ADARB2: variants seen among roughly 807,000 people sequenced by gnomAD.
ADARB2 encodes inactive double-stranded RNA-specific editase B2.
A neutral mutation model predicts 62.2 loss-of-function variants in ADARB2; 25 were observed. That is an observed-to-expected ratio of 0.40 (90% CI 0.29 to 0.56). The LOEUF is 0.56. Ranked by LOEUF, ADARB2 falls within the 20% of genes least tolerant of loss-of-function variation. ADARB2 has a pLI of 0.43. For missense variants in ADARB2, 1,071 were observed against 1,077.4 expected, an observed-to-expected ratio of 0.99 and a Z score of 0.08; for synonymous variants, 572 against 500.8, an observed-to-expected ratio of 1.14 and a Z score of -1.90.
At chr10:1,666,706 G>A (rs1588344916) in intron 1 of ADARB2, among the ~76,000 whole-genome samples, 1 of 152,114 alleles carries the variant, frequency 6.6e-6, no homozygotes, top group African/African-American at 2.4e-5. Context: ...GAGGGCATCT[G>A]GGCACTGGAA....
chr10:1,512,400 C>T (rs532123857), intron 1 of ADARB2, among the ~76,000 whole-genome samples: 3 of 152,146 alleles, frequency 2.0e-5, no homozygotes, highest in African/African-American at 7.2e-5. Context: ...ACACTGGATA[C>T]CAATACATCA....
rs1836667441 is a variant in ADARB2 at position 1,181,006 on chromosome 10, C to G, written c.*2187G>C. The G allele has an allele frequency of 6.6e-6, 1 of 152,254 alleles. No homozygotes were observed. Among genetic ancestry groups the G allele is most frequent in the Non-Finnish European group, 1.5e-5 (1 of 68,056 alleles). The allele number at this position is 152,254 out of a possible 1,614,324, so 9.4% of individuals were successfully genotyped here. A position where few individuals can be genotyped will look rare whatever the true frequency, so the allele number is the denominator to read the frequency against. ...TGGCCACTGGGTGGCCGAGCGCTTT[C>G]CGAGTCCCGTGAATCAGACCCTGCG... On this transcript the variant is annotated 3_prime_UTR_variant, in exon 10 of 10. Transcript: ENST00000381312.
At position 1,582,561 on chromosome 10, in the gene ADARB2, G is replaced by A. The variant is rs938696; in HGVS notation, c.100+154490C>T. On this transcript the variant is annotated intron_variant, in intron 1 of 9. Coordinates refer to ENST00000381312, the MANE Select transcript of ADARB2 (RefSeq NM_018702.4). ...TGAATGACAGTCATAGCTACAGAAC[G>A]ATGACCACTTCCATTGCAATTGCCA... Among the ~76,000 whole-genome samples, 778 of 152,186 alleles carry A rather than the reference G, an allele frequency of 5.1e-3. 6 individuals are homozygous for A. The highest frequency in any genetic ancestry group is 0.018 in the African/African-American group (744 of 41,526).
chr10:1,492,485 G>A (rs61831890), intron 1 of ADARB2, among the ~76,000 whole-genome samples: 23,915 of 152,042 alleles, frequency 0.16, 2,260 homozygotes, highest in Middle Eastern at 0.23. Flanking sequence ...CATCCCCTGC[G>A]GCCTTCAGAG....
chr10:1,658,638 C>G (rs377172265), intron 1 of ADARB2, among the ~76,000 whole-genome samples: 2 of 152,226 alleles, frequency 1.3e-5, no homozygotes, highest in Non-Finnish European at 2.9e-5. Context: ...ACAGGACAAG[C>G]CTCTGTCACG....
Position 1,199,959 on chromosome 10 carries a change from T to A in ADARB2, c.1864+7A>T. 1 of 1,523,060 alleles carries A rather than the reference T, an allele frequency of 6.6e-7. No homozygotes were observed. Among genetic ancestry groups the A allele is most frequent in the African/African-American group, 1.4e-5 (1 of 73,582 alleles). 94.3% of individuals were successfully genotyped at this position (1,523,060 alleles called of 1,614,324 possible). On this transcript the variant is annotated splice_region_variant and intron_variant, in intron 8 of 9. Coordinates refer to ENST00000381312, the MANE Select transcript of ADARB2 (RefSeq NM_018702.4). ...AGGTGGAGGGCCCCCGGGAAGGGGG[T>A]TCTTACCGCTGAGGAGAGGCCGGTT...
At chr10:1,403,884 G>T (rs1358737723) in intron 1 of ADARB2, among the ~76,000 whole-genome samples, 1 of 152,140 alleles carries the variant, frequency 6.6e-6, no homozygotes, top group South Asian at 2.1e-4. Context: ...CTGCCTCCCC[G>T]ATTGGAGGCA....
intron 1 of ADARB2, chr10:1,535,691 C>T (rs1029485926): frequency 1.2e-5 from 2 of 167,276 alleles, no homozygotes; most frequent in African/African-American, 4.8e-5. Flanking sequence ...CACTGGGTTC[C>T]CTTGAGGGGA....
At chr10:1,196,123 C>A (rs1427049508) in intron 8 of ADARB2, among the ~76,000 whole-genome samples, 1 of 151,982 alleles carries the variant, frequency 6.6e-6, no homozygotes, top group Admixed American at 6.6e-5. Flanking sequence ...TCCTCTAGGA[C>A]TCTGCGCAGT....
At chr10:1,687,097 T>C (rs1418309844) in intron 1 of ADARB2, among the ~76,000 whole-genome samples, 1 of 147,292 alleles carries the variant, frequency 6.8e-6, no homozygotes, top group Non-Finnish European at 1.5e-5. Flanking sequence ...CATGATCTCC[T>C]CTCATTGCAA....
chr10:1,358,219 G>A (rs1380872361), intron 3 of ADARB2, among the ~76,000 whole-genome samples: 2 of 152,240 alleles, frequency 1.3e-5, no homozygotes, highest in African/African-American at 4.8e-5. Context: ...ATTTCTTGGT[G>A]TGGGGACAGA....
chr10:1,258,472 A>G (rs1831101154), intron 4 of ADARB2, among the ~76,000 whole-genome samples: 1 of 151,998 alleles, frequency 6.6e-6, no homozygotes, highest in Non-Finnish European at 1.5e-5. Flanking sequence ...TACCAAGCAA[A>G]TGGCAAACAA....
Position 1,636,353 on chromosome 10 carries a change from T to C in ADARB2, c.100+100698A>G, listed in dbSNP as rs117819763. Among the ~76,000 whole-genome samples, 446 of 152,122 alleles carry C rather than the reference T, an allele frequency of 2.9e-3. 4 individuals are homozygous for C. The highest frequency in any genetic ancestry group is 5.6e-3 in the South Asian group (27 of 4,810). ...GCTACAAAGAAAAGTCCCATCTCTA[T>C]AAAAAATATAAAAATTAACCAGACA... On this transcript the variant is annotated intron_variant, in intron 1 of 9. Transcript: ENST00000381312.
intron 3 of ADARB2, among the ~76,000 whole-genome samples, chr10:1,275,088 C>G (rs971214306): frequency 6.6e-6 from 1 of 152,238 alleles, no homozygotes; most frequent in African/African-American, 2.4e-5. Flanking sequence ...GCCCTGGCCG[C>G]TCCCTTGTGG....
chr10:1,264,337 C>T (rs1028048754), intron 4 of ADARB2, among the ~76,000 whole-genome samples: 1 of 152,146 alleles, frequency 6.6e-6, no homozygotes, highest in African/African-American at 2.4e-5. Flanking sequence ...TCAGGGGAGA[C>T]AACGGAAGGA....
At chr10:1,471,976 AACTACTT>A (rs1043954128) in intron 1 of ADARB2, among the ~76,000 whole-genome samples, 2 of 152,186 alleles carry the variant, frequency 1.3e-5, no homozygotes, top group Admixed American at 6.5e-5. Flanking sequence ...GTGGTCATTT[AACTACTT>A]ACACATCAAG....
chr10:1,467,216 G>A (rs1045286713), intron 1 of ADARB2, among the ~76,000 whole-genome samples: 11 of 152,116 alleles, frequency 7.2e-5, no homozygotes, highest in African/African-American at 1.9e-4. Context: ...ACTGCTCATC[G>A]GTTTAGCTCT....
At chr10:1,268,446 G>C (rs1483549426) in intron 4 of ADARB2, among the ~76,000 whole-genome samples, 3 of 151,400 alleles carry the variant, frequency 2.0e-5, no homozygotes, top group Non-Finnish European at 4.4e-5. Context: ...GAACTTTCAG[G>C]AGCTAATAAA....
chr10:1,643,120 G>C (rs148146694), intron 1 of ADARB2, among the ~76,000 whole-genome samples: 1 of 152,204 alleles, frequency 6.6e-6, no homozygotes, highest in South Asian at 2.1e-4. Context: ...TGGGACTGGT[G>C]AGCAGCAAAA....
Sources: gnomAD v4.1 joint callset for allele counts (sites outside exome capture counted in the v4.1 genomes callset) on GRCh38, gnomAD v4.1.1 for gene constraint, MANE v1.5 for transcripts, NCBI Gene and HGNC (gene_info 2026-07-23, HGNC 2026-07-21) for gene names.